Variants in ATP9A observed in about 807,000 individuals in gnomAD.
ATP9A encodes the protein ATPase phospholipid transporting 9A, also known as probable phospholipid-transporting ATPase IIA.
In ATP9A, 52 loss-of-function variants were observed where a neutral mutation model predicts 144.1. That is an observed-to-expected ratio of 0.36 (90% confidence interval 0.29 to 0.45). The LOEUF is 0.45. ATP9A is among the 20% of genes least tolerant of loss of function. The pLI, the probability that ATP9A is intolerant of heterozygous loss-of-function variation, is 1.00. For synonymous variants in ATP9A, 582 were observed against 557.4 expected, an observed-to-expected ratio of 1.04 and a Z score of -0.62; for missense variants, 947 against 1,392.7, an observed-to-expected ratio of 0.68 and a Z score of 5.09.
chr20:51,636,280 C>T (rs1320183734), intron 15 of ATP9A, among the ~76,000 whole-genome samples: 1 of 152,090 alleles, frequency 6.6e-6, no homozygotes, highest in Non-Finnish European at 1.5e-5. Context: ...AGTGGGATGG[C>T]ATGAAATTCG....
chr20:51,685,299 G>A (rs1048195783), intron 9 of ATP9A, among the ~76,000 whole-genome samples: 3 of 152,116 alleles, frequency 2.0e-5, no homozygotes, highest in Non-Finnish European at 4.4e-5. Context: ...ATAGGCACAC[G>A]CCTGTAATCC....
chr20:51,628,954 G>T, intron 16 of ATP9A, 26 bp downstream of exon 16: 1 of 1,593,058 alleles, frequency 6.3e-7, no homozygotes, highest in Non-Finnish European at 8.6e-7. Flanking sequence ...TCCAAGGCCT[G>T]GTTTAACTTC....
Position 51,650,341 on chromosome 20 carries a change from C to A in ATP9A, c.1506+6597G>T, listed in dbSNP as rs113587357. ...ACAAGGTCAGGAATTTGAGACCAGC[C>A]TGGCCAATATGGTGAAACCCCGTCT... is the stretch of plus-strand genomic sequence containing the variant. On this transcript the variant is annotated intron_variant, in intron 14 of 27. Coordinates refer to ENST00000338821, the MANE Select transcript of ATP9A (RefSeq NM_006045.3). Among the ~76,000 whole-genome samples the A allele has an allele frequency of 7.9e-3, 1,207 of 152,212 alleles. 16 individuals carry two copies. The highest frequency in any genetic ancestry group is 0.028 in the African/African-American group (1,147 of 41,528).
chr20:51,760,840 T>C (rs566665413), intron 1 of ATP9A, among the ~76,000 whole-genome samples: 4 of 151,604 alleles, frequency 2.6e-5, no homozygotes, highest in South Asian at 2.1e-4. Flanking sequence ...CTGGTCAACA[T>C]GGTGAAACCC....
rs200509988 is a variant in ATP9A at position 51,617,477 on chromosome 20, G to T, written c.2415+13C>A. 5.6e-6 allele frequency: 9 copies of T among 1,606,894 alleles called. No homozygotes were observed. The highest frequency in any genetic ancestry group is 1.7e-5 in the Admixed American group (1 of 59,324). The stretch of plus-strand genomic sequence containing the variant: ...TACAGCAAGTGGAGCCGAGCAGAGG[G>T]AAACACTCTCACCTTTCCTTCCACT... On this transcript the variant is annotated intron_variant, in intron 22 of 27. Transcript: ENST00000338821.
intron 13 of ATP9A, among the ~76,000 whole-genome samples, chr20:51,661,043 C>T (rs2077408422): frequency 6.6e-6 from 1 of 152,176 alleles, no homozygotes; most frequent in African/African-American, 2.4e-5. Flanking sequence ...ATTAAGATCT[C>T]CAAATACAAA....
At chr20:51,743,742 G>GC (rs112379271) in intron 1 of ATP9A, among the ~76,000 whole-genome samples, 147,819 of 147,822 alleles carry the variant, frequency 1, 73,908 homozygotes, top group Middle Eastern at 1. Context: ...GGGCACGGTC[G>GC]TCACGCCTAT....
intron 3 of ATP9A, among the ~76,000 whole-genome samples, chr20:51,716,820 TC>T (rs1244047726): frequency 3.3e-5 from 5 of 152,226 alleles, no homozygotes; most frequent in Admixed American, 3.3e-4. Flanking sequence ...GTAGAAAGGA[TC>T]ATTCCTTTTT....
chr20:51,751,578 T>C (rs1212112827), intron 1 of ATP9A, among the ~76,000 whole-genome samples: 3 of 151,334 alleles, frequency 2.0e-5, no homozygotes, highest in African/African-American at 7.3e-5. Flanking sequence ...TTCCTTTTTG[T>C]TTGTTTTTTG....
chr20:51,733,623 T>C (rs1162191499), intron 1 of ATP9A, among the ~76,000 whole-genome samples: 2 of 152,182 alleles, frequency 1.3e-5, no homozygotes, highest in African/African-American at 4.8e-5. Flanking sequence ...TCCGCCTGCC[T>C]TGGCCTCCCA....
intron 7 of ATP9A, among the ~76,000 whole-genome samples, chr20:51,691,927 G>A (rs2077550152): frequency 3.9e-5 from 6 of 152,226 alleles, no homozygotes; most frequent in Admixed American, 3.9e-4. Context: ...AAAGGAAGAA[G>A]TTCTGACACA....
intron 1 of ATP9A, among the ~76,000 whole-genome samples, chr20:51,755,222 G>A (rs2077850627): frequency 6.6e-6 from 1 of 152,122 alleles, no homozygotes; most frequent in African/African-American, 2.4e-5. Context: ...CGGATCACAA[G>A]GTCAGGAGTT....
At chr20:51,719,648 G>A (rs972547527) in intron 3 of ATP9A, among the ~76,000 whole-genome samples, 10 of 147,832 alleles carry the variant, frequency 6.8e-5, no homozygotes, top group African/African-American at 1.2e-4. Flanking sequence ...CCGGAGAATC[G>A]CTTGAACCCA....
intron 9 of ATP9A, among the ~76,000 whole-genome samples, chr20:51,681,990 G>A (rs1230334818): frequency 3.3e-5 from 5 of 152,118 alleles, no homozygotes; most frequent in East Asian, 1.9e-4. Context: ...GCAGCTAGAA[G>A]GGAGTGGAGG....
intron 13 of ATP9A, among the ~76,000 whole-genome samples, chr20:51,659,233 A>G (rs1423056256): frequency 6.6e-6 from 1 of 152,044 alleles, no homozygotes; most frequent in Non-Finnish European, 1.5e-5. Context: ...TGCAAGTCAC[A>G]TTTTGGCAAC....
At chr20:51,638,653 A>G (rs2077305647) in intron 15 of ATP9A, among the ~76,000 whole-genome samples, 1 of 152,126 alleles carries the variant, frequency 6.6e-6, no homozygotes, top group Admixed American at 6.5e-5. Flanking sequence ...GGTTGAGGCC[A>G]GGAGTTTGAG....
chr20:51,638,393 G>A (rs765805543), intron 15 of ATP9A, among the ~76,000 whole-genome samples: 9 of 151,718 alleles, frequency 5.9e-5, no homozygotes, highest in Non-Finnish European at 1.2e-4. Flanking sequence ...AATGATGTGA[G>A]GAACCACCCC....
rs752339782 is a variant in ATP9A, at chr20:51,604,983, C to T, written c.2841G>A (p.Glu947=). The T allele has an allele frequency of 9.9e-6, 16 of 1,612,794 alleles. No homozygotes were observed. The East Asian group carries it at 2.5e-4, about 25-fold the overall frequency. ...TGGCCACGATGTGCACGAACTCCGA[C>T]TCAAACAGCAGCAGCGCCCCGTACA... ...TIMYGALLLF[E]SEFVHIVAIS... is the part of the protein sequence containing the mutation. Residue 947 remains glutamate, a synonymous_variant, in exon 27 of 28, where the codon GAG becomes GAA. Coordinates refer to ENST00000338821, the MANE Select transcript of ATP9A (RefSeq NM_006045.3).
intron 13 of ATP9A, among the ~76,000 whole-genome samples, chr20:51,658,740 G>A (rs889050450): frequency 6.6e-6 from 1 of 151,582 alleles, no homozygotes; most frequent in Non-Finnish European, 1.5e-5. Context: ...GGCTGGTCTC[G>A]AACTCCTGAC....
Sources: allele counts gnomAD v4.1 joint callset (sites outside exome capture counted in the v4.1 genomes callset), GRCh38; gene constraint gnomAD v4.1.1; transcripts MANE v1.5; gene names NCBI Gene and HGNC (gene_info 2026-07-23, HGNC 2026-07-21).